OPRD1: variants seen among roughly 807,000 people sequenced by gnomAD.
OPRD1 encodes the protein opioid receptor delta 1.
OPRD1 carries 19 observed loss-of-function variants against 17.5 expected under a neutral mutation model. That is an observed-to-expected ratio of 1.09 (90% CI 0.76 to 1.60). The LOEUF is 1.60. OPRD1 is among the 40% of genes most tolerant of loss of function. The pLI, the probability that OPRD1 is intolerant of heterozygous loss-of-function variation, is 0.00. For synonymous variants in OPRD1, 256 were observed against 240.9 expected (o/e 1.06, Z -0.58); for missense variants, 483 against 547.2 (o/e 0.88, Z 1.17).
intron 1 of OPRD1, among the ~76,000 whole-genome samples, chr1:28,833,179 A>C: frequency 6.6e-6 from 1 of 152,216 alleles, no homozygotes; most frequent in East Asian, 1.9e-4. Flanking sequence ...CAGGTGAAGA[A>C]GCTGAGACTC....
chr1:28,829,073 A>T (rs1272641395), intron 1 of OPRD1, among the ~76,000 whole-genome samples: 1 of 151,630 alleles, frequency 6.6e-6, no homozygotes, highest in African/African-American at 2.4e-5. Context: ...TCTAGGAATG[A>T]GAGTCCTAGA....
intron 1 of OPRD1, among the ~76,000 whole-genome samples, chr1:28,826,903 C>T (rs1364407354): frequency 1.3e-5 from 2 of 152,202 alleles, no homozygotes; most frequent in East Asian, 3.8e-4. Flanking sequence ...AATCCTATTG[C>T]TGCTTTATCA....
chr1:28,837,554 A>G (rs950325386), intron 1 of OPRD1, among the ~76,000 whole-genome samples: 5 of 151,880 alleles, frequency 3.3e-5, no homozygotes, highest in Admixed American at 1.3e-4. Context: ...AGGCTGAAGC[A>G]AGAGAATCAC....
At chr1:28,860,317 A>T (rs1417782840) in intron 2 of OPRD1, among the ~76,000 whole-genome samples, 1 of 151,674 alleles carries the variant, frequency 6.6e-6, no homozygotes, top group Non-Finnish European at 1.5e-5. Flanking sequence ...GTGAGCTGAG[A>T]TCATGCCACT....
Position 28,833,185 on chromosome 1 carries a change from G to A in OPRD1, c.227+20575G>A, listed in dbSNP as rs560322393. 1.3e-4 allele frequency among the ~76,000 whole-genome samples: 20 copies of A among 152,320 alleles called. No individual in the cohort carries two copies. In the South Asian group the frequency reaches 4.1e-3, roughly 32 times the overall value. Reference sequence around the variant, plus strand: ...CCCATTTTACAGGTGAAGAAGCTGAGACTCAGAGATGAAAGACTTTTGCCT... The same window carrying A: ...CCCATTTTACAGGTGAAGAAGCTGAAACTCAGAGATGAAAGACTTTTGCCT... On this transcript the variant is annotated intron_variant, in intron 1 of 2. Coordinates refer to ENST00000234961, the MANE Select transcript of OPRD1 (RefSeq NM_000911.4).
intron 1 of OPRD1, among the ~76,000 whole-genome samples, chr1:28,855,418 G>A (rs894475574): frequency 5.9e-5 from 9 of 152,240 alleles, no homozygotes; most frequent in East Asian, 5.8e-4. Flanking sequence ...AAAGGTAGTC[G>A]GGGCAGCTTG....
intron 1 of OPRD1, among the ~76,000 whole-genome samples, chr1:28,849,948 C>A (rs549989219): frequency 6.8e-6 from 1 of 146,458 alleles, no homozygotes; most frequent in East Asian, 2.0e-4. Flanking sequence ...GGCGCGATCT[C>A]GGCTCACTGC....
chr1:28,812,381 G>C lies in OPRD1; in HGVS notation c.-3G>C. 7.2e-7 allele frequency: 1 copy of C among 1,391,630 alleles called. No homozygotes were observed. Among genetic ancestry groups the C allele is most frequent in the Non-Finnish European group, 9.2e-7 (1 of 1,081,096 alleles). 86.2% of individuals were successfully genotyped at this position (1,391,630 alleles called of 1,614,324 possible). On this transcript the variant is annotated 5_prime_UTR_variant, in exon 1 of 3. Transcript: ENST00000234961. ...AGGGACGCGGCGGAGCCGGCCGGCA[G>C]CCATGGAACCGGCCCCCTCCGCCGG...
Position 28,863,516 on chromosome 1 carries a change from G to A in OPRD1, c.*233G>A. On this transcript the variant is annotated 3_prime_UTR_variant, in exon 3 of 3. Coordinates refer to ENST00000234961, the MANE Select transcript of OPRD1 (RefSeq NM_000911.4). ...TCAATGGCGCAGTGCCTCTGGTCTG[G>A]GTGCCCCGTCCACGGCTCTAGGTGG... 1 of 475,224 alleles carries A rather than the reference G, an allele frequency of 2.1e-6. No individual in the cohort carries two copies. Among genetic ancestry groups the A allele is most frequent in the Non-Finnish European group, 3.6e-6 (1 of 278,498 alleles). The allele number at this position is 475,224 out of a possible 1,614,324, so 29.4% of individuals were successfully genotyped here.
chr1:28,854,995 C>T (rs2089043625), intron 1 of OPRD1, among the ~76,000 whole-genome samples: 1 of 152,098 alleles, frequency 6.6e-6, no homozygotes, highest in Non-Finnish European at 1.5e-5. Context: ...CCCAAGGGTA[C>T]AGCAGGGAAC....
intron 1 of OPRD1, among the ~76,000 whole-genome samples, chr1:28,853,129 T>C (rs2089022828): frequency 6.6e-6 from 1 of 152,240 alleles, no homozygotes; most frequent in South Asian, 2.1e-4. Flanking sequence ...AATAGGGCAT[T>C]GTGAGGAACA....
At chr1:28,829,767 T>G (rs1006432905) in intron 1 of OPRD1, among the ~76,000 whole-genome samples, 1 of 152,198 alleles carries the variant, frequency 6.6e-6, no homozygotes, top group Non-Finnish European at 1.5e-5. Flanking sequence ...TGGAGTGCAG[T>G]GATGCAATCA....
At chr1:28,858,233 C>T (rs573183862) in intron 1 of OPRD1, among the ~76,000 whole-genome samples, 1 of 151,180 alleles carries the variant, frequency 6.6e-6, no homozygotes, top group Non-Finnish European at 1.5e-5. Context: ...CCTGCCTCAG[C>T]CTCCCGAGTA....
chr1:28,838,126 C>T (rs2088868665), intron 1 of OPRD1, among the ~76,000 whole-genome samples: 2 of 152,002 alleles, frequency 1.3e-5, no homozygotes, highest in African/African-American at 2.4e-5. Flanking sequence ...ACTGAGTCCA[C>T]ATAGCTGCTG....
At chr1:28,839,582 A>G (rs1420154506) in intron 1 of OPRD1, among the ~76,000 whole-genome samples, 1 of 152,184 alleles carries the variant, frequency 6.6e-6, no homozygotes, top group African/African-American at 2.4e-5. Context: ...GAGGTACCAC[A>G]GGGTCAGTGC....
chr1:28,861,252 C>G (rs1337390930), intron 2 of OPRD1, among the ~76,000 whole-genome samples: 2 of 152,092 alleles, frequency 1.3e-5, no homozygotes, highest in Non-Finnish European at 2.9e-5. Flanking sequence ...CCAAGAGATC[C>G]TGGGAGTCCC....
In OPRD1 at chr1:28,863,327, A is replaced by C; in HGVS notation, c.*44A>C. The C allele has an allele frequency of 1.4e-6, 2 of 1,402,298 alleles. No homozygotes were observed. The highest frequency in any genetic ancestry group is 3.1e-5 in the South Asian group (2 of 63,536). The allele number at this position is 1,402,298 out of a possible 1,614,324, so 86.9% of individuals were successfully genotyped here. ...AGAGCGCCCCTCCCTAGTGACCCGG[A>C]GGCCACATGAGTCCCAGTGGGAGGC... On this transcript the variant is annotated 3_prime_UTR_variant, in exon 3 of 3. Coordinates refer to ENST00000234961, the MANE Select transcript of OPRD1 (RefSeq NM_000911.4).
intron 1 of OPRD1, among the ~76,000 whole-genome samples, chr1:28,857,978 A>C (rs2089072211): frequency 6.6e-6 from 1 of 151,314 alleles, no homozygotes; most frequent in Non-Finnish European, 1.5e-5. Context: ...TTTTTTGTAG[A>C]GACAGGGTTT....
At chr1:28,824,316 T>TC (rs1308045174) in intron 1 of OPRD1, among the ~76,000 whole-genome samples, 2 of 127,004 alleles carry the variant, frequency 1.6e-5, no homozygotes, top group East Asian at 4.0e-4. Context: ...CTTTTTTCTT[T>TC]TTTTTTTTTT....
Sources: allele counts gnomAD v4.1 joint callset (sites outside exome capture counted in the v4.1 genomes callset), GRCh38; gene constraint gnomAD v4.1.1; transcripts MANE v1.5; gene names NCBI Gene and HGNC (gene_info 2026-07-23, HGNC 2026-07-21).